Variants in TMEM64 observed in about 807,000 individuals in gnomAD.
The protein encoded by TMEM64 is transmembrane protein 64.
In TMEM64, 19 loss-of-function variants were observed where a neutral mutation model predicts 24.5. The observed-to-expected ratio is 0.78, with a 90% CI of 0.54 to 1.14. TMEM64 has a LOEUF of 1.14. Ranked by LOEUF, TMEM64 falls within the 50% of genes most tolerant of loss-of-function variation. The pLI is 0.00. For synonymous variants in TMEM64, 262 were observed against 224.7 expected (o/e 1.17, Z -1.49); for missense variants, 487 against 493.0 (o/e 0.99, Z 0.12).
chr8:90,640,790 T>A (rs1364602898), intron 1 of TMEM64, among the ~76,000 whole-genome samples: 1 of 152,310 alleles, frequency 6.6e-6, no homozygotes, highest in Non-Finnish European at 1.5e-5. Flanking sequence ...TCACTATTAT[T>A]ATTTCAGTCA....
intron 2 of TMEM64, among the ~76,000 whole-genome samples, chr8:90,629,164 A>G (rs1439682274): frequency 6.6e-6 from 1 of 152,194 alleles, no homozygotes; most frequent in Admixed American, 6.5e-5. Flanking sequence ...ATTAAGCTGT[A>G]ACTAATATCA....
intron 1 of TMEM64, among the ~76,000 whole-genome samples, chr8:90,643,954 T>G (rs1054520850): frequency 6.6e-6 from 1 of 152,184 alleles, no homozygotes; most frequent in African/African-American, 2.4e-5. Flanking sequence ...GGTTTTAATT[T>G]CATCACAAAG....
At chr8:90,639,140 C>T (rs916642539) in intron 1 of TMEM64, among the ~76,000 whole-genome samples, 1 of 151,790 alleles carries the variant, frequency 6.6e-6, no homozygotes, top group Non-Finnish European at 1.5e-5. Flanking sequence ...ACAAGAAGGC[C>T]GCAGCAGTGC....
chr8:90,644,996 G>T, intron 1 of TMEM64, 115 bp downstream of exon 1: 2 of 1,140,484 alleles, frequency 1.8e-6, no homozygotes, highest in Non-Finnish European at 2.5e-6. Context: ...CGTAACTCCT[G>T]CCGTCAATGT....
chr8:90,622,579 A>G lies in TMEM64; in HGVS notation c.*3092T>C, dbSNP rs1485700243. The stretch of plus-strand genomic sequence containing the variant: ...TTCTAAAGATATCCCCAGAGCTAAC[A>G]AATATTGACATATGTCACAGCACCT... On this transcript the variant is annotated 3_prime_UTR_variant, in exon 3 of 3. Coordinates refer to ENST00000458549, the MANE Select transcript of TMEM64 (RefSeq NM_001008495.4). The G allele has an allele frequency of 6.6e-6, 1 of 152,282 alleles. No individual in the cohort carries two copies. The highest frequency in any genetic ancestry group is 6.5e-5 in the Admixed American group (1 of 15,288). 9.4% of individuals were successfully genotyped at this position (152,282 alleles called of 1,614,324 possible).
At chr8:90,636,101 T>G (rs1366488905) in intron 1 of TMEM64, among the ~76,000 whole-genome samples, 4 of 152,228 alleles carry the variant, frequency 2.6e-5, no homozygotes, top group African/African-American at 9.7e-5. Flanking sequence ...TTACTATGCA[T>G]ACATATAATT....
chr8:90,638,458 T>C (rs1809554819), intron 1 of TMEM64, among the ~76,000 whole-genome samples: 1 of 152,182 alleles, frequency 6.6e-6, no homozygotes, highest in South Asian at 2.1e-4. Flanking sequence ...CTTTGTTAAG[T>C]GCTTTCAAGT....
chr8:90,645,060 AC>A lies in TMEM64; in HGVS notation c.795+50del. On this transcript the variant is annotated intron_variant, in intron 1 of 2. Coordinates refer to ENST00000458549, the MANE Select transcript of TMEM64 (RefSeq NM_001008495.4). The surrounding 1 kb of genome is among the most constrained non-coding windows in gnomAD (Gnocchi z 4.2). Reference sequence around the variant, plus strand: ...AGCGCCCTCCTAGGGCCGCCACAAGACCGCTCAAAAACAGACTTGGAGAGGG... The same window carrying A: ...AGCGCCCTCCTAGGGCCGCCACAAGACGCTCAAAAACAGACTTGGAGAGGG... The A allele has an allele frequency of 1.9e-6, 3 of 1,553,314 alleles. No individual in the cohort carries two copies. Among genetic ancestry groups the A allele is most frequent in the Non-Finnish European group, 2.6e-6 (3 of 1,143,344 alleles).
At chr8:90,631,795 G>A in intron 1 of TMEM64, 88 bp from the exon 2 acceptor site, 1 of 1,151,742 alleles carries the variant, frequency 8.7e-7, no homozygotes, top group Non-Finnish European at 1.2e-6. Flanking sequence ...TCTAACTAGT[G>A]GTATTTCCTC....
At chr8:90,638,677 T>C (rs1429306622) in intron 1 of TMEM64, among the ~76,000 whole-genome samples, 1 of 151,930 alleles carries the variant, frequency 6.6e-6, no homozygotes, top group Non-Finnish European at 1.5e-5. Flanking sequence ...AGGTTGGATG[T>C]ATCAACACCA....
At position 90,624,261 on chromosome 8, in the gene TMEM64, T is replaced by C. The variant is rs1809322020; in HGVS notation, c.*1410A>G. On this transcript the variant is annotated 3_prime_UTR_variant, in exon 3 of 3. Coordinates refer to ENST00000458549, the MANE Select transcript of TMEM64 (RefSeq NM_001008495.4). The stretch of plus-strand genomic sequence containing the variant: ...ATAATCTGCTTCCAAAGAATTCCTT[T>C]GTACTTTAGTAGATGAGGGCAAAGC... The C allele has an allele frequency of 6.6e-6, 1 of 152,050 alleles. No individual in the cohort carries two copies. The highest frequency in any genetic ancestry group is 6.6e-5 in the Admixed American group (1 of 15,264). The allele number at this position is 152,050 out of a possible 1,614,324, so 9.4% of individuals were successfully genotyped here. A position where few individuals can be genotyped will look rare whatever the true frequency, so the allele number is the denominator to read the frequency against.
chr8:90,635,094 A>G (rs1809496059), intron 1 of TMEM64, among the ~76,000 whole-genome samples: 2 of 152,188 alleles, frequency 1.3e-5, no homozygotes, highest in Non-Finnish European at 2.9e-5. Context: ...CACAATGCCT[A>G]CCACTGATGG....
chr8:90,625,409 A>C lies in TMEM64; in HGVS notation c.*262T>G. On this transcript the variant is annotated 3_prime_UTR_variant, in exon 3 of 3. Coordinates refer to ENST00000458549, the MANE Select transcript of TMEM64 (RefSeq NM_001008495.4). ...CTCTGTTCGTAAATACACAGAAATAAAACAATTAAAAAACACTAAAGTGCA... is the reference window on the plus strand; with the variant it reads ...CTCTGTTCGTAAATACACAGAAATACAACAATTAAAAAACACTAAAGTGCA... 1 of 313,718 alleles carries C rather than the reference A, an allele frequency of 3.2e-6. No individual in the cohort carries two copies. Among genetic ancestry groups the C allele is most frequent in the East Asian group, 5.0e-5 (1 of 19,912 alleles). 19.4% of individuals were successfully genotyped at this position (313,718 alleles called of 1,614,324 possible).
chr8:90,630,318 A>G (rs570563293), intron 2 of TMEM64, among the ~76,000 whole-genome samples: 113 of 152,138 alleles, frequency 7.4e-4, no homozygotes, highest in Non-Finnish European at 1.2e-3. Context: ...GCTATTTTTT[A>G]TTGTTGTATT....
At chr8:90,632,296 G>A (rs968369095) in intron 1 of TMEM64, among the ~76,000 whole-genome samples, 22 of 152,006 alleles carry the variant, frequency 1.4e-4, no homozygotes, top group African/African-American at 5.1e-4. Context: ...ACAGGCACAT[G>A]CCGCCACACC....
chr8:90,629,971 AG>A (rs1269568592), intron 2 of TMEM64, among the ~76,000 whole-genome samples: 1 of 152,190 alleles, frequency 6.6e-6, no homozygotes, highest in Non-Finnish European at 1.5e-5. Flanking sequence ...CAAAAACTTG[AG>A]AATAATGCCA....
At position 90,645,541 on chromosome 8, in the gene TMEM64, C is replaced by G. The variant is rs1324297943; in HGVS notation, c.365G>C (p.Ser122Thr). ...CCLGSTCWCR[S>T]LVLVCVLAAL... ...GGCCAACACGCAGACCAGCACGAGG[C>G]TCCGGCACCAACAGGTGCTGCCGAG... Residue 122 changes from serine (S) to threonine (T), a missense_variant, in exon 1 of 3, where the codon AGC (serine) becomes ACC (threonine). Coordinates refer to ENST00000458549, the MANE Select transcript of TMEM64 (RefSeq NM_001008495.4). The surrounding 1 kb of genome is among the most constrained non-coding windows in gnomAD (Gnocchi z 4.2). The G allele has an allele frequency of 1.7e-5, 27 of 1,548,336 alleles. No homozygotes were observed. Among genetic ancestry groups the G allele is most frequent in the Non-Finnish European group, 2.4e-5 (27 of 1,146,926 alleles).
chr8:90,637,045 G>A (rs1182955882), intron 1 of TMEM64, among the ~76,000 whole-genome samples: 1 of 152,060 alleles, frequency 6.6e-6, no homozygotes, highest in Non-Finnish European at 1.5e-5. Flanking sequence ...GGTCAGCAGG[G>A]GTTAACATGT....
At chr8:90,641,669 T>C (rs551405784) in intron 1 of TMEM64, among the ~76,000 whole-genome samples, 129 of 152,230 alleles carry the variant, frequency 8.5e-4, no homozygotes, top group Admixed American at 1.9e-3. Flanking sequence ...ATTTCACCAC[T>C]GTGCCTCAAC....
Sources: gnomAD v4.1 joint callset for allele counts (sites outside exome capture counted in the v4.1 genomes callset) on GRCh38, gnomAD v4.1.1 for gene constraint, Gnocchi (gnomAD v3.1) non-coding constraint, MANE v1.5 for transcripts, NCBI Gene and HGNC (gene_info 2026-07-23, HGNC 2026-07-21) for gene names.